The following USP39 variants were observed in gnomAD, a reference collection of about 807,000 sequenced individuals.
USP39 encodes the protein ubiquitin carboxyl-terminal hydrolase 39.
USP39 carries 38 observed loss-of-function variants against 66.4 expected under a neutral mutation model. The ratio of observed to expected loss-of-function variants is 0.57; its 90% CI spans 0.44 to 0.75. USP39 has a LOEUF of 0.75. USP39 is among the 30% of genes least tolerant of loss of function. USP39 has a pLI of 0.00. For missense variants in USP39, 608 were observed against 714.4 expected (o/e 0.85, Z 1.70); for synonymous variants, 303 against 274.6 (o/e 1.10, Z -1.02).
chr2:85,647,615 C>T (rs1209304548), intron 11 of USP39, among the ~76,000 whole-genome samples: 2 of 149,902 alleles, frequency 1.3e-5, no homozygotes, highest in African/African-American at 4.9e-5. Context: ...GCTGTGATTA[C>T]ACCACTGTAG....
At chr2:85,647,898 C>T (rs1676771909) in intron 11 of USP39, 32 bp from the exon 12 acceptor site, 3 of 1,609,640 alleles carry the variant, frequency 1.9e-6, no homozygotes, top group Non-Finnish European at 2.5e-6. Flanking sequence ...TTTTAGAGAG[C>T]AGACTAACCC....
chr2:85,608,411 T>A (rs1466952878), upstream of USP39: 2 of 151,452 alleles, frequency 1.3e-5, no homozygotes, highest in Non-Finnish European at 2.9e-5. Flanking sequence ...CAGCTGGAGG[T>A]ACACAGTCAT....
intron 3 of USP39, 65 bp downstream of exon 3, chr2:85,621,644 AAAGT>A: frequency 8.1e-7 from 1 of 1,241,954 alleles, no homozygotes; most frequent in Admixed American, 2.1e-5. Context: ...TTTTTTAAAG[AAAGT>A]AAGCTGTTCT....
At chr2:85,604,304 T>C (rs1444671762) in intron 1 of USP39, among the ~76,000 whole-genome samples, 1 of 152,102 alleles carries the variant, frequency 6.6e-6, no homozygotes, top group Non-Finnish European at 1.5e-5. Context: ...CTGCCTCCTG[T>C]GTTCAAGTGA....
At position 85,633,486 on chromosome 2, in the gene USP39, C is replaced by A. The variant is rs374068232; in HGVS notation, c.949+2540C>A. Among the ~76,000 whole-genome samples the A allele has an allele frequency of 4.9e-4, 75 of 152,228 alleles. 2 individuals carry two copies. In the South Asian group the frequency reaches 0.011, roughly 22 times the overall value. The stretch of plus-strand genomic sequence containing the variant: ...ATGAATTTGTTTTTAAAACATTATT[C>A]CAGCTGGGCATGGTCACTCAAACCT... On this transcript the variant is annotated intron_variant, in intron 6 of 12. Coordinates refer to ENST00000323701, the MANE Select transcript of USP39 (RefSeq NM_006590.4).
At chr2:85,604,566 G>A (rs527981348) in intron 1 of USP39, among the ~76,000 whole-genome samples, 1 of 152,302 alleles carries the variant, frequency 6.6e-6, no homozygotes, top group South Asian at 2.1e-4. Flanking sequence ...GGGCCAAGAA[G>A]TATGGCTGTG....
intron 9 of USP39, chr2:85,639,738 C>G (rs1448649817): frequency 5.6e-6 from 1 of 178,266 alleles, no homozygotes; most frequent in Non-Finnish European, 1.2e-5. Context: ...TGGGCCACCA[C>G]ACCTGGCCCA....
chr2:85,603,855 A>C (rs1163006414), intron 1 of USP39, among the ~76,000 whole-genome samples: 1 of 152,110 alleles, frequency 6.6e-6, no homozygotes, highest in African/African-American at 2.4e-5. Flanking sequence ...GGCCTCCCAA[A>C]GTGCTGGGAT....
chr2:85,637,263 T>C lies in USP39; in HGVS notation c.1028-106T>C, dbSNP rs1305083743. The C allele has an allele frequency of 1.8e-5, 22 of 1,227,444 alleles. No individual in the cohort carries two copies. In the South Asian group the frequency reaches 2.7e-4, roughly 15 times the overall value. 76.0% of individuals were successfully genotyped at this position (1,227,444 alleles called of 1,614,324 possible). ...TGTGTTTAGTGAGAGCTCTGTGTCT[T>C]TTGCTGGAAGATGCTGGTTTATTTC... is the stretch of plus-strand genomic sequence containing the variant. On this transcript the variant is annotated intron_variant, in intron 7 of 12. Transcript: ENST00000323701.
chr2:85,630,755 T>C lies in USP39; in HGVS notation c.758T>C (p.Phe253Ser), dbSNP rs1362602818. The C allele has an allele frequency of 6.2e-7, 1 of 1,614,108 alleles. No individual in the cohort carries two copies. Among genetic ancestry groups the C allele is most frequent in the African/African-American group, 1.3e-5 (1 of 74,930 alleles). The change falls in exon 6 of 13, where the codon TTT (phenylalanine) becomes TCT (serine). Residue 253 changes from phenylalanine (F) to serine (S), a missense_variant. Transcript: ENST00000323701. ...AATGTTCCTCCTCTCCGGAACTACT[T>C]TCTGGAAGAAGACAATTATAAGAAC... Reference protein sequence around the residue: ...LSNVPPLRNYFLEEDNYKNIK... With the variant: ...LSNVPPLRNYSLEEDNYKNIK...
rs1259346096 is a variant in USP39 at position 85,628,164 on chromosome 2, G to T, written c.723+2473G>T. On this transcript the variant is annotated intron_variant, in intron 5 of 12. Coordinates refer to ENST00000323701, the MANE Select transcript of USP39 (RefSeq NM_006590.4). ...GCTGCGTGAAAACTGATTTTTTTTT[G>T]AGATGGAGTCTCGCTCTGTCACCCA... 4.6e-5 allele frequency among the ~76,000 whole-genome samples: 7 copies of T among 151,254 alleles called. No individual in the cohort carries two copies. In the East Asian group the frequency reaches 1.4e-3, roughly 29 times the overall value.
upstream of USP39, chr2:85,611,287 G>A (rs1673504622): frequency 7.0e-7 from 1 of 1,418,710 alleles, no homozygotes; most frequent in Non-Finnish European, 9.1e-7. Flanking sequence ...TGATCTCTAG[G>A]TAGCAGAGAA....
chr2:85,647,595 G>A (rs889454254), intron 11 of USP39, among the ~76,000 whole-genome samples: 1 of 151,120 alleles, frequency 6.6e-6, no homozygotes, highest in African/African-American at 2.4e-5. Context: ...GAGGGTCAAG[G>A]CTGCAGTGAG....
At chr2:85,643,299 G>A (rs1676389720) in intron 10 of USP39, among the ~76,000 whole-genome samples, 1 of 151,936 alleles carries the variant, frequency 6.6e-6, no homozygotes, top group African/African-American at 2.4e-5. Flanking sequence ...GACCATCCTG[G>A]CTAACACGGT....
At chr2:85,628,936 T>A (rs1675092822) in intron 5 of USP39, among the ~76,000 whole-genome samples, 1 of 152,170 alleles carries the variant, frequency 6.6e-6, no homozygotes, top group Admixed American at 6.6e-5. Flanking sequence ...TCTAGCTGAC[T>A]CCCTGAATGG....
At chr2:85,637,949 G>A (rs1489077130) in intron 8 of USP39, among the ~76,000 whole-genome samples, 4 of 152,036 alleles carry the variant, frequency 2.6e-5, no homozygotes, top group Admixed American at 2.0e-4. Flanking sequence ...TACCTGCCTC[G>A]GCCTCCCAAA....
At chr2:85,612,384 C>T (rs568149317), upstream of USP39, 6 of 1,535,090 alleles carry the variant, frequency 3.9e-6, no homozygotes, top group East Asian at 1.2e-4. Context: ...TGCAATCCAT[C>T]GCCATCTGCG....
At chr2:85,626,530 A>G (rs7599812) in intron 5 of USP39, among the ~76,000 whole-genome samples, 2 of 152,102 alleles carry the variant, frequency 1.3e-5, no homozygotes, top group Non-Finnish European at 2.9e-5. Context: ...GGCTCATGGC[A>G]TCTGGAACTT....
In USP39 at chr2:85,648,031, G is replaced by T; in HGVS notation, c.1650+15G>T. 6.2e-7 allele frequency: 1 copy of T among 1,613,862 alleles called. No individual in the cohort carries two copies. Among genetic ancestry groups the T allele is most frequent in the Non-Finnish European group, 8.5e-7 (1 of 1,179,914 alleles). ...CTTACATTCAGGTGGGTTGGCCACAGGCTTAGTGAGCCACAAATAGGTGGC... is the reference window on the plus strand; with the variant it reads ...CTTACATTCAGGTGGGTTGGCCACATGCTTAGTGAGCCACAAATAGGTGGC... On this transcript the variant is annotated intron_variant, in intron 12 of 12. Transcript: ENST00000323701.
Sources: allele counts gnomAD v4.1 joint callset (sites outside exome capture counted in the v4.1 genomes callset), GRCh38; gene constraint gnomAD v4.1.1; transcripts MANE v1.5; gene names NCBI Gene and HGNC (gene_info 2026-07-23, HGNC 2026-07-21).